Variants in MALRD1 observed in about 807,000 individuals in gnomAD.
MALRD1 encodes the protein MAM and LDL receptor class A domain containing 1, also known as MAM and LDL-receptor class A domain-containing protein 1.
MALRD1 carries 247 observed loss-of-function variants against 242.1 expected under a neutral mutation model. The observed-to-expected ratio is 1.02, with a 90% CI of 0.92 to 1.13. The LOEUF (loss-of-function observed/expected upper bound fraction) is 1.13, where lower values mean the gene tolerates loss of function less well. Ranked by LOEUF, MALRD1 falls within the 50% of genes most tolerant of loss-of-function variation. The probability of loss-of-function intolerance (pLI) is 0.00; values close to 1 mark genes in which losing one functional copy is unlikely to be tolerated. For synonymous variants in MALRD1, 995 were observed against 866.6 expected (o/e 1.15, Z -2.60); for missense variants, 2,989 against 2,533.1 (o/e 1.18, Z -3.86).
intron 29 of MALRD1, among the ~76,000 whole-genome samples, chr10:19,461,719 C>T (rs77344523): frequency 0.01 from 1,536 of 152,040 alleles, 22 homozygotes; most frequent in East Asian, 0.047. Flanking sequence ...TGGTGTACAC[C>T]TGTGGTCCCA....
chr10:19,610,536 G>A (rs937588154), intron 35 of MALRD1, among the ~76,000 whole-genome samples: 2 of 151,852 alleles, frequency 1.3e-5, no homozygotes, highest in Admixed American at 1.3e-4. Context: ...AAAATCTTCG[G>A]GTGGACTCCT....
intron 4 of MALRD1, among the ~76,000 whole-genome samples, chr10:19,100,572 T>C (rs890040071): frequency 6.7e-6 from 1 of 150,160 alleles, no homozygotes; most frequent in Non-Finnish European, 1.5e-5. Flanking sequence ...GTTTTGAGCA[T>C]TGGAGAGCAG....
At chr10:19,314,807 T>A (rs1217137978) in intron 21 of MALRD1, among the ~76,000 whole-genome samples, 4 of 151,316 alleles carry the variant, frequency 2.6e-5, no homozygotes, top group Non-Finnish European at 4.4e-5. Flanking sequence ...TCTATCTAGA[T>A]CTTTACCAAA....
intron 38 of MALRD1, among the ~76,000 whole-genome samples, chr10:19,714,063 G>A (rs1296100397): frequency 1.3e-5 from 2 of 152,130 alleles, no homozygotes; most frequent in African/African-American, 4.8e-5. Flanking sequence ...GTGTTATAGT[G>A]TGCTCTTTCA....
rs1351793899 is a variant in MALRD1, at chr10:19,364,572, A to T, written c.4441+12275A>T. 3.3e-5 allele frequency among the ~76,000 whole-genome samples: 5 copies of T among 152,118 alleles called. No individual in the cohort carries two copies. In the East Asian group the frequency reaches 7.7e-4, roughly 23 times the overall value. Reference sequence around the variant, plus strand: ...TCAAGCTAAAACTAAACTATTTTTTACCGTGTGAGCTCCTAAAATATGTTC... The same window carrying T: ...TCAAGCTAAAACTAAACTATTTTTTTCCGTGTGAGCTCCTAAAATATGTTC... On this transcript the variant is annotated intron_variant, in intron 26 of 39. Transcript: ENST00000454679.
chr10:19,711,832 G>A (rs1390806372), intron 38 of MALRD1, among the ~76,000 whole-genome samples: 1 of 152,196 alleles, frequency 6.6e-6, no homozygotes, highest in Non-Finnish European at 1.5e-5. Flanking sequence ...AAGGAGATGG[G>A]AGATCAGTCT....
chr10:19,648,570 A>T (rs141842828), intron 36 of MALRD1, among the ~76,000 whole-genome samples: 3 of 152,190 alleles, frequency 2.0e-5, no homozygotes, highest in Non-Finnish European at 4.4e-5. Flanking sequence ...AACACTTTTC[A>T]GAGGAAGATG....
At position 19,389,457 on chromosome 10, in the gene MALRD1, T is replaced by A; in HGVS notation, c.4693T>A (p.Phe1565Ile). 1 of 1,550,290 alleles carries A rather than the reference T, an allele frequency of 6.5e-7. No individual in the cohort carries two copies. The highest frequency in any genetic ancestry group is 8.7e-7 in the Non-Finnish European group (1 of 1,146,836). The change falls in exon 28 of 40, where the codon TTC (phenylalanine) becomes ATC (isoleucine). Residue 1565 changes from phenylalanine to isoleucine, a missense_variant. Physicochemically the swap from Phe to Ile is conservative, Grantham distance 21. Coordinates refer to ENST00000454679, the MANE Select transcript of MALRD1 (RefSeq NM_001142308.3). ...AATTCTGTCCTTGTTCCTAGGGCAC[T>A]TCATGTATCTGGAAGCTACTGCAGT... ...DHTLGNENGHFMYLEATAVGL... is the reference protein window; with the variant it reads ...DHTLGNENGHIMYLEATAVGL...
chr10:19,536,914 T>C (rs1219386336), intron 32 of MALRD1, among the ~76,000 whole-genome samples: 1 of 152,120 alleles, frequency 6.6e-6, no homozygotes, highest in African/African-American at 2.4e-5. Context: ...GCATTTGATA[T>C]TAATGGTAAG....
chr10:19,561,569 A>G (rs1322239708), intron 32 of MALRD1, among the ~76,000 whole-genome samples: 1 of 152,200 alleles, frequency 6.6e-6, no homozygotes, highest in East Asian at 1.9e-4. Context: ...ATATAATGCT[A>G]TACCAGGCCA....
chr10:19,344,697 A>C (rs1844031042), intron 24 of MALRD1, among the ~76,000 whole-genome samples: 1 of 147,682 alleles, frequency 6.8e-6, no homozygotes, highest in Admixed American at 6.8e-5. Context: ...TTTGATAAAA[A>C]TTGCATTTAA....
intron 31 of MALRD1, among the ~76,000 whole-genome samples, chr10:19,503,607 G>A (rs1381268207): frequency 6.6e-6 from 1 of 152,208 alleles, no homozygotes; most frequent in Non-Finnish European, 1.5e-5. Flanking sequence ...AAGGCACAAA[G>A]CTGCTGCTGT....
In MALRD1 at chr10:19,257,339, A is replaced by C. The variant is rs532966738; in HGVS notation, c.2992-345A>C. Among the ~76,000 whole-genome samples, 4 of 152,278 alleles carry C rather than the reference A, an allele frequency of 2.6e-5. No individual in the cohort carries two copies. In the South Asian group the frequency reaches 8.3e-4, roughly 32 times the overall value. ...TGAGGGAACAATTATTTGCCTTCAA[A>C]TACTTAAAGGACCAGAAGGGAACAA... On this transcript the variant is annotated intron_variant, in intron 18 of 39. Transcript: ENST00000454679.
chr10:19,328,521 A>G (rs1843231480), intron 23 of MALRD1, among the ~76,000 whole-genome samples: 1 of 152,104 alleles, frequency 6.6e-6, no homozygotes, highest in South Asian at 2.1e-4. Flanking sequence ...TCACTCTTCC[A>G]TGTGCAGCTG....
chr10:19,486,266 T>C (rs2131196524), intron 29 of MALRD1, among the ~76,000 whole-genome samples: 1 of 152,322 alleles, frequency 6.6e-6, no homozygotes, highest in Non-Finnish European at 1.5e-5. Flanking sequence ...CCAACATACC[T>C]TTGTAAGTCT....
intron 24 of MALRD1, among the ~76,000 whole-genome samples, chr10:19,333,140 T>TA (rs544528800): frequency 2.0e-3 from 294 of 148,282 alleles, no homozygotes; most frequent in African/African-American, 3.9e-3. Flanking sequence ...CACTTCTTTT[T>TA]AAAAAAAAAA....
chr10:19,332,774 T>C lies in MALRD1; in HGVS notation c.3901+1192T>C, dbSNP rs571208852. Among the ~76,000 whole-genome samples the C allele has an allele frequency of 9.2e-5, 14 of 152,312 alleles. No individual in the cohort carries two copies. In the South Asian group the frequency reaches 2.9e-3, roughly 32 times the overall value. ...TCTTGAGAGGTACATGGGAAAGATA[T>C]TATTAGTGCAGTCAACAGATGAAGC... is the stretch of plus-strand genomic sequence containing the variant. On this transcript the variant is annotated intron_variant, in intron 24 of 39. Coordinates refer to ENST00000454679, the MANE Select transcript of MALRD1 (RefSeq NM_001142308.3).
At chr10:19,345,657 A>G (rs1365984924) in intron 24 of MALRD1, among the ~76,000 whole-genome samples, 1 of 152,194 alleles carries the variant, frequency 6.6e-6, no homozygotes, top group Non-Finnish European at 1.5e-5. Context: ...GACATAAATT[A>G]TGACAGAAAA....
chr10:19,660,445 T>C (rs1286901585), intron 36 of MALRD1, among the ~76,000 whole-genome samples: 2 of 152,012 alleles, frequency 1.3e-5, no homozygotes, highest in African/African-American at 4.8e-5. Context: ...AGAGGAGAAA[T>C]ACACATTTAA....
Sources: allele counts gnomAD v4.1 joint callset (sites outside exome capture counted in the v4.1 genomes callset), GRCh38; gene constraint gnomAD v4.1.1; transcripts MANE v1.5; gene names NCBI Gene and HGNC (gene_info 2026-07-23, HGNC 2026-07-21).